The following EPHA6 variants were observed in gnomAD, a reference collection of about 807,000 sequenced individuals.
EPHA6 encodes the protein EPH receptor A6.
In EPHA6, 50 loss-of-function variants were observed where a neutral mutation model predicts 112.0. The ratio of observed to expected loss-of-function variants is 0.45; its 90% confidence interval spans 0.36 to 0.56. EPHA6 has a LOEUF of 0.56. EPHA6 is among the 20% of genes least tolerant of loss of function. The pLI, the probability that EPHA6 is intolerant of heterozygous loss-of-function variation, is 0.00. For synonymous variants in EPHA6, 529 were observed against 490.7 expected, an observed-to-expected ratio of 1.08 and a Z score of -1.03; for missense variants, 1,280 against 1,417.4, an observed-to-expected ratio of 0.90 and a Z score of 1.56.
chr3:97,557,789 T>A (rs1207179729), intron 11 of EPHA6, among the ~76,000 whole-genome samples: 1 of 151,414 alleles, frequency 6.6e-6, no homozygotes, highest in Non-Finnish European at 1.5e-5. Context: ...GATTTTAAGA[T>A]AGCTTGTGCA....
chr3:97,677,985 A>C (rs2031543751), intron 14 of EPHA6, among the ~76,000 whole-genome samples: 1 of 152,190 alleles, frequency 6.6e-6, no homozygotes, highest in South Asian at 2.1e-4. Context: ...TGAAGGCAAA[A>C]CCCAAAATAC....
chr3:97,628,773 T>A (rs983837181), intron 13 of EPHA6, among the ~76,000 whole-genome samples: 1 of 152,042 alleles, frequency 6.6e-6, no homozygotes, highest in Non-Finnish European at 1.5e-5. Flanking sequence ...TAGTTATTTA[T>A]TAATAATGAG....
chr3:97,596,657 G>T (rs1391133569), intron 12 of EPHA6, among the ~76,000 whole-genome samples: 1 of 150,972 alleles, frequency 6.6e-6, no homozygotes, highest in Non-Finnish European at 1.5e-5. Flanking sequence ...TAATTACTCA[G>T]CAAATCATAT....
intron 3 of EPHA6, among the ~76,000 whole-genome samples, chr3:97,120,766 C>T (rs369863630): frequency 4.6e-5 from 7 of 151,894 alleles, no homozygotes; most frequent in African/African-American, 1.7e-4. Flanking sequence ...GTGAATACAA[C>T]GATGAGTGTG....
At chr3:96,861,270 A>G (rs1391625883) in intron 1 of EPHA6, among the ~76,000 whole-genome samples, 2 of 152,120 alleles carry the variant, frequency 1.3e-5, no homozygotes, top group African/African-American at 2.4e-5. Flanking sequence ...GTTTTCAGTG[A>G]TAGTTCTTGC....
At chr3:96,926,389 GC>G (rs1347753630) in intron 2 of EPHA6, among the ~76,000 whole-genome samples, 7 of 151,938 alleles carry the variant, frequency 4.6e-5, no homozygotes, top group Non-Finnish European at 8.8e-5. Context: ...TTCCATCCCT[GC>G]CCCCCTGCCC....
intron 14 of EPHA6, among the ~76,000 whole-genome samples, chr3:97,717,974 T>A (rs994121112): frequency 2.6e-5 from 4 of 152,166 alleles, no homozygotes; most frequent in Non-Finnish European, 5.9e-5. Context: ...CCACAAAGAT[T>A]TAGCAAAGGA....
In EPHA6 at chr3:97,753,670, C is replaced by T. The variant is rs1362233140; in HGVS notation, c.*4969C>T. Among the ~76,000 whole-genome samples, 1 of 152,098 alleles carries T rather than the reference C, an allele frequency of 6.6e-6. No individual in the cohort carries two copies. The highest frequency in any genetic ancestry group is 1.5e-5 in the Non-Finnish European group (1 of 68,002). ...GTAATCTCTTGTTCAAGCTTATTCA[C>T]TTGTTCTAGTAAACATAATAATAGG... On this transcript the variant is annotated 3_prime_UTR_variant, in exon 18 of 18. Coordinates refer to ENST00000389672, the MANE Select transcript of EPHA6 (RefSeq NM_001080448.3).
At position 97,310,822 on chromosome 3, in the gene EPHA6, T is replaced by C. The variant is rs1040829250; in HGVS notation, c.1606+66535T>C. On this transcript the variant is annotated intron_variant, in intron 5 of 17. Coordinates refer to ENST00000389672, the MANE Select transcript of EPHA6 (RefSeq NM_001080448.3). ...ATAAATATTAACTGTTTGTTATTCCTTGAAATAGCTTAAGCAACGAATCTG... is the reference window on the plus strand; with the variant it reads ...ATAAATATTAACTGTTTGTTATTCCCTGAAATAGCTTAAGCAACGAATCTG... Among the ~76,000 whole-genome samples, 4 of 151,776 alleles carry C rather than the reference T, an allele frequency of 2.6e-5. No homozygotes were observed. In the East Asian group the frequency reaches 7.7e-4, roughly 29 times the overall value.
intron 14 of EPHA6, among the ~76,000 whole-genome samples, chr3:97,658,091 T>A (rs982130353): frequency 6.6e-6 from 1 of 151,806 alleles, no homozygotes; most frequent in Non-Finnish European, 1.5e-5. Context: ...CTGTACAACA[T>A]AAATTAATAA....
At chr3:97,697,282 G>C (rs2033102179) in intron 14 of EPHA6, among the ~76,000 whole-genome samples, 1 of 152,170 alleles carries the variant, frequency 6.6e-6, no homozygotes, top group South Asian at 2.1e-4. Flanking sequence ...TCCTTTTCAA[G>C]CCTTGGAATA....
intron 11 of EPHA6, among the ~76,000 whole-genome samples, chr3:97,586,472 A>G (rs1225144273): frequency 6.6e-6 from 1 of 152,188 alleles, no homozygotes; most frequent in Non-Finnish European, 1.5e-5. Context: ...TATTTGCTCA[A>G]ACAAAAGAGG....
At position 96,868,852 on chromosome 3, in the gene EPHA6, C is replaced by T. The variant is rs756205302; in HGVS notation, c.450+1963C>T. 1.8e-3 allele frequency among the ~76,000 whole-genome samples: 277 copies of T among 151,888 alleles called. 1 individual carries two copies. Among genetic ancestry groups the T allele is most frequent in the Admixed American group, 7.4e-3 (113 of 15,226 alleles). The stretch of plus-strand genomic sequence containing the variant: ...TTAATCATTGATTCCATAGATTTTT[C>T]TTTTTACTTAAATTCATCATTCCAC... On this transcript the variant is annotated intron_variant, in intron 2 of 17. Coordinates refer to ENST00000389672, the MANE Select transcript of EPHA6 (RefSeq NM_001080448.3).
At chr3:97,071,992 A>C (rs2046374001) in intron 3 of EPHA6, among the ~76,000 whole-genome samples, 1 of 152,132 alleles carries the variant, frequency 6.6e-6, no homozygotes, top group Admixed American at 6.6e-5. Context: ...TTCCTGAGTT[A>C]CTTCACTTAA....
intron 14 of EPHA6, among the ~76,000 whole-genome samples, chr3:97,699,809 T>A (rs1322510275): frequency 6.6e-6 from 1 of 152,246 alleles, no homozygotes; most frequent in Non-Finnish European, 1.5e-5. Flanking sequence ...CCATTTTCTA[T>A]AACACATGTT....
intron 7 of EPHA6, among the ~76,000 whole-genome samples, chr3:97,463,133 G>A (rs1254425992): frequency 1.3e-5 from 2 of 151,944 alleles, no homozygotes; most frequent in Non-Finnish European, 2.9e-5. Context: ...TAAGTTCTAG[G>A]GTACATGTGC....
intron 5 of EPHA6, among the ~76,000 whole-genome samples, chr3:97,402,614 T>G (rs1446421731): frequency 6.6e-6 from 1 of 152,240 alleles, no homozygotes; most frequent in Non-Finnish European, 1.5e-5. Flanking sequence ...CAGTCTATAG[T>G]TAGGACTTAT....
chr3:97,675,905 T>G (rs1165673143), intron 14 of EPHA6, among the ~76,000 whole-genome samples: 1 of 152,190 alleles, frequency 6.6e-6, no homozygotes, highest in East Asian at 1.9e-4. Flanking sequence ...CGGTATATTC[T>G]TAAGGTACAG....
At chr3:97,545,042 G>T (rs1463054461) in intron 11 of EPHA6, among the ~76,000 whole-genome samples, 1 of 152,014 alleles carries the variant, frequency 6.6e-6, no homozygotes, top group Admixed American at 6.6e-5. Flanking sequence ...TTTTTGAAGG[G>T]TTTTTTTGTG....
Sources: gnomAD v4.1 joint callset for allele counts (sites outside exome capture counted in the v4.1 genomes callset) on GRCh38, gnomAD v4.1.1 for gene constraint, MANE v1.5 for transcripts, NCBI Gene and HGNC (gene_info 2026-07-23, HGNC 2026-07-21) for gene names.